GRIN2D: variants seen among roughly 807,000 people sequenced by gnomAD.
GRIN2D encodes the protein glutamate receptor ionotropic, NMDA 2D.
Under a neutral mutation model 103.2 loss-of-function variants are expected in GRIN2D, and 37 were observed. The observed-to-expected ratio is 0.36, with a 90% CI of 0.28 to 0.47. GRIN2D has a LOEUF of 0.47. Ranked by LOEUF, GRIN2D falls within the 20% of genes least tolerant of loss-of-function variation. GRIN2D has a pLI of 1.00. For missense variants in GRIN2D, 1,557 were observed against 1,910.6 expected, an observed-to-expected ratio of 0.81 and a Z score of 3.45; for synonymous variants, 845 against 885.6, an observed-to-expected ratio of 0.95 and a Z score of 0.81.
chr19:48,401,705 T>C (rs2147437849), intron 3 of GRIN2D, among the ~76,000 whole-genome samples: 1 of 152,304 alleles, frequency 6.6e-6, no homozygotes, highest in Middle Eastern at 3.4e-3. Flanking sequence ...TGAGGTAGAA[T>C]CACTGGAAGG....
rs1393898760 is a variant in GRIN2D at position 48,393,964 on chromosome 19, G to A, written c.-306+96G>A. Among the ~76,000 whole-genome samples the A allele has an allele frequency of 6.6e-6, 1 of 152,024 alleles. No homozygotes were observed. The highest frequency in any genetic ancestry group is 1.5e-5 in the Non-Finnish European group (1 of 67,986). ...GGCGGAGGGAGGGAGGGGTCTGTCTGTCTGTACCGACCCTGAGCTGCCTGC... is the reference window on the plus strand; with the variant it reads ...GGCGGAGGGAGGGAGGGGTCTGTCTATCTGTACCGACCCTGAGCTGCCTGC... On this transcript the variant is annotated intron_variant, in intron 1 of 13. Transcript: ENST00000263269. This position sits in a 1 kb window ranked among gnomAD's most constrained non-coding sequence, Gnocchi z 5.6.
Position 48,444,077 on chromosome 19 carries a change from C to A in GRIN2D, c.*140C>A, listed in dbSNP as rs1467579800. ...ACCCCGCCTGGAGCAGCGTCCTGCG[C>A]CCCCTGGTTCTGGAGGAACCGCAAG... is the stretch of plus-strand genomic sequence containing the variant. On this transcript the variant is annotated 3_prime_UTR_variant, in exon 14 of 14. Coordinates refer to ENST00000263269, the MANE Select transcript of GRIN2D (RefSeq NM_000836.4). This position sits in a 1 kb window ranked among gnomAD's most constrained non-coding sequence, Gnocchi z 5.5. 8 of 500,294 alleles carry A rather than the reference C, an allele frequency of 1.6e-5. No individual in the cohort carries two copies. The highest frequency in any genetic ancestry group is 2.7e-5 in the Non-Finnish European group (8 of 301,650). The allele number at this position is 500,294 out of a possible 1,614,324, so 31.0% of individuals were successfully genotyped here.
At position 48,416,061 on chromosome 19, in the gene GRIN2D, C is replaced by T. The variant is rs148340456; in HGVS notation, c.1641C>T (p.Ser547=). 360 of 1,613,988 alleles carry T rather than the reference C, an allele frequency of 2.2e-4. 2 individuals are homozygous for T. Among genetic ancestry groups the T allele is most frequent in the Non-Finnish European group, 6.3e-5 (74 of 1,179,920 alleles). ...IGSLTINEER[S]EIVDFSVPFV... ...CCCTCACCATCAACGAGGAGCGCTC[C>T]GAGATCGTGGACTTCTCCGTCCCCT... Residue 547 remains serine (S), a synonymous_variant, in exon 8 of 14, where the codon TCC becomes TCT. Coordinates refer to ENST00000263269, the MANE Select transcript of GRIN2D (RefSeq NM_000836.4).
chr19:48,398,843 G>A lies in GRIN2D; in HGVS notation c.451G>A (p.Val151Met). The A allele has an allele frequency of 7.2e-7, 1 of 1,380,372 alleles. No homozygotes were observed. 85.5% of individuals were successfully genotyped at this position (1,380,372 alleles called of 1,614,324 possible). The change falls in exon 3 of 14, where the codon GTG becomes ATG. Residue 151 changes from valine (V) to methionine (M), a missense_variant. Around this residue, in one of 7 missense-constraint regions of GRIN2D, gnomAD observed 490 missense variants for 601.1 expected, o/e 0.82. Transcript: ENST00000263269. ...GGCCGTGCACGGCGGCGCCGCGCTCGTGCTCACGCCCAAGGTGCGCGCGAC... is the reference window on the plus strand; with the variant it reads ...GGCCGTGCACGGCGGCGCCGCGCTCATGCTCACGCCCAAGGTGCGCGCGAC... ...IVAVHGGAAL[V>M]LTPKEKGSTF...
At chr19:48,399,291 C>A (rs1218629775) in intron 3 of GRIN2D, among the ~76,000 whole-genome samples, 4 of 152,158 alleles carry the variant, frequency 2.6e-5, no homozygotes, top group African/African-American at 9.7e-5. Context: ...TGGGCCTGGG[C>A]GCGGTGGCTC....
At chr19:48,418,655 C>T (rs914354304) in intron 8 of GRIN2D, among the ~76,000 whole-genome samples, 10 of 151,816 alleles carry the variant, frequency 6.6e-5, no homozygotes, top group Admixed American at 6.6e-5. Flanking sequence ...CTGTGGCCAG[C>T]GAGGGAGAAG....
At chr19:48,426,269 A>G (rs1001254922) in intron 11 of GRIN2D, among the ~76,000 whole-genome samples, 25 of 124,988 alleles carry the variant, frequency 2.0e-4, no homozygotes, top group African/African-American at 8.1e-4. Context: ...TCTATTGCCC[A>G]GGCTGGAGTG....
chr19:48,415,943 T>A, intron 7 of GRIN2D, 59 bp from the exon 8 acceptor site: 1 of 1,498,728 alleles, frequency 6.7e-7, no homozygotes, highest in Non-Finnish European at 9.2e-7. Context: ...TCGCCGTCCG[T>A]GTCAGTCTGT....
chr19:48,403,662 G>T (rs1970745985), intron 3 of GRIN2D, among the ~76,000 whole-genome samples: 1 of 152,112 alleles, frequency 6.6e-6, no homozygotes. Flanking sequence ...GGCCAGCAAA[G>T]GAGGCAGAGG....
chr19:48,419,528 T>C lies in GRIN2D; in HGVS notation c.1862-57T>C, dbSNP rs564052913. 2.9e-3 allele frequency: 3,552 copies of C among 1,209,090 alleles called. 22 individuals are homozygous for C. The highest frequency in any genetic ancestry group is 0.017 in the African/African-American group (1,001 of 59,466). The allele number at this position is 1,209,090 out of a possible 1,614,324, so 74.9% of individuals were successfully genotyped here. ...TTGTAGTTCTTTCTTTTTTTTTTTT[T>C]CCCTTCCTTATTGAGAAGGGATTTG... On this transcript the variant is annotated intron_variant, in intron 9 of 13. Coordinates refer to ENST00000263269, the MANE Select transcript of GRIN2D (RefSeq NM_000836.4).
intron 11 of GRIN2D, among the ~76,000 whole-genome samples, chr19:48,427,578 C>T (rs1461253727): frequency 7.1e-6 from 1 of 140,536 alleles, no homozygotes; most frequent in Admixed American, 7.6e-5. Flanking sequence ...CTCCTGGGTT[C>T]AAGCAATTCT....
Position 48,426,224 on chromosome 19 carries a change from C to CTTTTTTTTTTTTTTT in GRIN2D, c.2252+4282_2252+4296dup, listed in dbSNP as rs369360320. Among the ~76,000 whole-genome samples the CTTTTTTTTTTTTTTT allele has an allele frequency of 5.3e-4, 64 of 120,112 alleles. 2 individuals carry two copies. Among genetic ancestry groups the CTTTTTTTTTTTTTTT allele is most frequent in the African/African-American group, 2.2e-3 (60 of 27,890 alleles). 78.8% of individuals were successfully genotyped at this position (120,112 alleles called of 152,430 possible). ...TTTCTTTTTCTTTCTTTCTTTCTTT[C>CTTTTTTTTTTTTTTT]TTTTTTTTTTTTTTTTTCTGAAACA... On this transcript the variant is annotated intron_variant, in intron 11 of 13. Transcript: ENST00000263269.
chr19:48,395,265 C>G (rs909552614), intron 2 of GRIN2D, among the ~76,000 whole-genome samples: 11 of 151,924 alleles, frequency 7.2e-5, no homozygotes, highest in South Asian at 2.1e-4. Flanking sequence ...CCTGTACCCC[C>G]CTCCCTGCAT....
chr19:48,418,027 C>G (rs3786747), intron 8 of GRIN2D, among the ~76,000 whole-genome samples: 1 of 146,750 alleles, frequency 6.8e-6, no homozygotes, highest in African/African-American at 2.5e-5. Flanking sequence ...CAGGCACCTG[C>G]GAGTTCTTTT....
chr19:48,430,822 T>C (rs1219552152), intron 11 of GRIN2D, among the ~76,000 whole-genome samples: 9 of 127,180 alleles, frequency 7.1e-5, no homozygotes, highest in Admixed American at 7.7e-5. Flanking sequence ...TTCTTTTTTC[T>C]TTTTTTTTTT....
chr19:48,398,983 G>C, intron 3 of GRIN2D, 126 bp downstream of exon 3: 1 of 899,216 alleles, frequency 1.1e-6, no homozygotes, highest in Non-Finnish European at 1.5e-6. Context: ...GTCCGAGTCT[G>C]GGACAAGGTG....
At chr19:48,437,512 C>T (rs1489405092) in intron 11 of GRIN2D, among the ~76,000 whole-genome samples, 1 of 152,154 alleles carries the variant, frequency 6.6e-6, no homozygotes, top group Admixed American at 6.5e-5. Flanking sequence ...CTGAGCAAAC[C>T]ATTGAAAGTG....
At chr19:48,433,556 G>C (rs1034842250) in intron 11 of GRIN2D, among the ~76,000 whole-genome samples, 1 of 152,094 alleles carries the variant, frequency 6.6e-6, no homozygotes. Flanking sequence ...TACCGCTTCC[G>C]GCAAGTAACC....
At chr19:48,407,973 A>C (rs1937805911) in intron 4 of GRIN2D, among the ~76,000 whole-genome samples, 1 of 152,176 alleles carries the variant, frequency 6.6e-6, no homozygotes, top group South Asian at 2.1e-4. Context: ...GGATCGCTAG[A>C]GGCCAGGAGT....
Sources: allele counts gnomAD v4.1 joint callset (sites outside exome capture counted in the v4.1 genomes callset), GRCh38; gene constraint gnomAD v4.1.1; regional missense constraint gnomAD v4.1.1; non-coding constraint Gnocchi (gnomAD v3.1); transcripts MANE v1.5; gene names NCBI Gene and HGNC (gene_info 2026-07-23, HGNC 2026-07-21).